The following SUSD1 variants were observed in gnomAD, a reference collection of about 807,000 sequenced individuals.
The protein encoded by SUSD1 is sushi domain containing 1, also known as sushi domain-containing protein 1.
In SUSD1, 65 loss-of-function variants were observed where a neutral mutation model predicts 86.9. That is an observed-to-expected ratio of 0.75 (90% CI 0.61 to 0.92). The LOEUF (loss-of-function observed/expected upper bound fraction) is 0.92, where lower values mean the gene tolerates loss of function less well. Among genes scored for constraint, SUSD1 ranks in the 40% least tolerant of loss-of-function variants. The pLI, the probability that SUSD1 is intolerant of heterozygous loss-of-function variation, is 0.00. For missense variants in SUSD1, 850 were observed against 929.7 expected (o/e 0.91, Z 1.11); for synonymous variants, 346 against 350.0 (o/e 0.99, Z 0.13).
chr9:112,109,068 C>A (rs957214651), intron 8 of SUSD1, among the ~76,000 whole-genome samples: 1 of 152,106 alleles, frequency 6.6e-6, no homozygotes, highest in African/African-American at 2.4e-5. Flanking sequence ...ATATGCCATT[C>A]TGCCAATATG....
At chr9:112,171,488 AAG>A (rs1242994264) in intron 1 of SUSD1, among the ~76,000 whole-genome samples, 3 of 152,340 alleles carry the variant, frequency 2.0e-5, no homozygotes, top group Admixed American at 2.0e-4. Flanking sequence ...AATATGGTAT[AAG>A]TGTACAACCA....
At chr9:112,167,101 G>T (rs1833857428) in intron 1 of SUSD1, among the ~76,000 whole-genome samples, 1 of 116,998 alleles carries the variant, frequency 8.5e-6, no homozygotes, top group East Asian at 2.3e-4. Context: ...AAGTTAAACT[G>T]TCAGTTCTCC....
In SUSD1 at chr9:112,063,041, C is replaced by T. The variant is rs1828804344; in HGVS notation, c.1754-8G>A. 5 of 1,591,158 alleles carry T rather than the reference C, an allele frequency of 3.1e-6. No individual in the cohort carries two copies. The highest frequency in any genetic ancestry group is 1.7e-5 in the Admixed American group (1 of 59,904). Reference sequence around the variant, plus strand: ...CTTCCGGGAGGGGAGGCTCTGAAAACATGTTGAAAAGAAGAAAAGGGGTAT... The same window carrying T: ...CTTCCGGGAGGGGAGGCTCTGAAAATATGTTGAAAAGAAGAAAAGGGGTAT... On this transcript the variant is annotated splice_polypyrimidine_tract_variant and splice_region_variant and intron_variant, in intron 12 of 16. Transcript: ENST00000374270.
intron 7 of SUSD1, 125 bp from the exon 8 acceptor site, chr9:112,111,965 G>C (rs1469807142): frequency 2.1e-6 from 2 of 972,472 alleles, no homozygotes; most frequent in Non-Finnish European, 3.0e-6. Context: ...GGGAGCATTC[G>C]TAAGGTAAAC....
chr9:112,121,671 G>A (rs976929063), intron 6 of SUSD1, among the ~76,000 whole-genome samples: 2 of 152,294 alleles, frequency 1.3e-5, no homozygotes, highest in East Asian at 3.9e-4. Context: ...ATGTTGGTGG[G>A]CAAGACCACA....
At chr9:112,065,603 A>T (rs1828942790) in intron 12 of SUSD1, among the ~76,000 whole-genome samples, 1 of 152,196 alleles carries the variant, frequency 6.6e-6, no homozygotes. Context: ...CACTTGCCAC[A>T]ATTACTGCAG....
chr9:112,043,484 C>T (rs1193512624), intron 15 of SUSD1, among the ~76,000 whole-genome samples: 1 of 152,154 alleles, frequency 6.6e-6, no homozygotes, highest in African/African-American at 2.4e-5. Context: ...ACCCCCTACC[C>T]ACTAAGTAAT....
chr9:112,068,003 T>G (rs1829066713), intron 12 of SUSD1, among the ~76,000 whole-genome samples: 1 of 152,148 alleles, frequency 6.6e-6, no homozygotes, highest in South Asian at 2.1e-4. Context: ...ACTATATATA[T>G]TATTCATATA....
intron 3 of SUSD1, chr9:112,146,284 C>T (rs1832806687): frequency 1.3e-5 from 2 of 152,192 alleles, no homozygotes; most frequent in South Asian, 2.1e-4. Context: ...ACATGGTCTT[C>T]ATGGTGGGGG....
rs750310633 is a variant in SUSD1, at chr9:112,111,766, G to T, written c.1059C>A (p.Ser353Arg). 6.2e-7 allele frequency: 1 copy of T among 1,614,162 alleles called. No homozygotes were observed. The highest frequency in any genetic ancestry group is 8.5e-7 in the Non-Finnish European group (1 of 1,180,008). Residue 353 changes from serine (S) to arginine (R), a missense_variant, in exon 8 of 17, where the codon AGC (serine) becomes AGA (arginine). Transcript: ENST00000374270. ...GGGCTAGGCACACTTCTGGGGTCCT[G>T]CTGTCTGTGGTCAAGTTGACTGTCT... Reference protein sequence around the residue: ...REETVNLTTDSRTPEVCLALY... With the variant: ...REETVNLTTDRRTPEVCLALY...
chr9:112,114,396 T>A (rs1169762309), intron 6 of SUSD1, among the ~76,000 whole-genome samples: 1 of 152,016 alleles, frequency 6.6e-6, no homozygotes, highest in Admixed American at 6.6e-5. Flanking sequence ...GGCAGGAGAA[T>A]CACTTGAACC....
intron 6 of SUSD1, among the ~76,000 whole-genome samples, chr9:112,123,625 C>A (rs1831640994): frequency 1.3e-5 from 2 of 152,028 alleles, no homozygotes; most frequent in Admixed American, 1.3e-4. Flanking sequence ...CATGGTGAAA[C>A]CCCATCTCTA....
Position 112,098,959 on chromosome 9 carries a change from C to T in SUSD1, c.1282-297G>A, listed in dbSNP as rs2131608996. On this transcript the variant is annotated intron_variant, in intron 9 of 16. Transcript: ENST00000374270. Reference sequence around the variant, plus strand: ...ATTATAACGCAAGTGAAAGAGATTACATTGGAGCTAATGGGCAAAATTATT... The same window carrying T: ...ATTATAACGCAAGTGAAAGAGATTATATTGGAGCTAATGGGCAAAATTATT... Among the ~76,000 whole-genome samples, 3 of 152,052 alleles carry T rather than the reference C, an allele frequency of 2.0e-5. 1 individual carries two copies. In the South Asian group the frequency reaches 6.2e-4, roughly 32 times the overall value.
intron 12 of SUSD1, among the ~76,000 whole-genome samples, chr9:112,069,619 T>C (rs559337794): frequency 2.0e-5 from 3 of 152,198 alleles, no homozygotes; most frequent in Non-Finnish European, 2.9e-5. Flanking sequence ...ATTACGTGTC[T>C]CCTCTTCTCA....
intron 6 of SUSD1, among the ~76,000 whole-genome samples, chr9:112,121,653 G>T (rs781780063): frequency 1.4e-4 from 21 of 152,166 alleles, no homozygotes; most frequent in Non-Finnish European, 7.4e-5. Flanking sequence ...CAGAATTTCC[G>T]ATGGAAAATG....
chr9:112,155,701 C>T (rs1029449651), intron 2 of SUSD1, among the ~76,000 whole-genome samples: 1 of 151,726 alleles, frequency 6.6e-6, no homozygotes, highest in Non-Finnish European at 1.5e-5. Context: ...GTGGCTCATA[C>T]CTATAATCCC....
At chr9:112,111,404 C>A (rs139866568) in intron 8 of SUSD1, among the ~76,000 whole-genome samples, 2 of 152,154 alleles carry the variant, frequency 1.3e-5, no homozygotes, top group Non-Finnish European at 2.9e-5. Context: ...CTTTTAAATG[C>A]CTTTTTATTA....
chr9:112,165,912 AGG>A (rs2131848154), intron 1 of SUSD1, among the ~76,000 whole-genome samples: 2 of 97,946 alleles, frequency 2.0e-5, no homozygotes, highest in African/African-American at 1.0e-4. Context: ...GAAGGAAGGA[AGG>A]AAGAAAGAAA....
chr9:112,075,831 G>A (rs549644493), intron 12 of SUSD1, among the ~76,000 whole-genome samples: 48 of 152,304 alleles, frequency 3.2e-4, no homozygotes, highest in Non-Finnish European at 5.4e-4. Flanking sequence ...TACTAGCGTG[G>A]AGGCTGGTGA....
Sources: gnomAD v4.1 joint callset for allele counts (sites outside exome capture counted in the v4.1 genomes callset) on GRCh38, gnomAD v4.1.1 for gene constraint, MANE v1.5 for transcripts, NCBI Gene and HGNC (gene_info 2026-07-23, HGNC 2026-07-21) for gene names.